EPB41L5: variants seen among roughly 807,000 people sequenced by gnomAD.
The protein encoded by EPB41L5 is band 4.1-like protein 5.
Under a neutral mutation model 106.6 loss-of-function variants are expected in EPB41L5, and 55 were observed. The ratio of observed to expected loss-of-function variants is 0.52; its 90% CI spans 0.42 to 0.65. The LOEUF is 0.65. EPB41L5 is among the 30% of genes least tolerant of loss of function. The probability of loss-of-function intolerance (pLI) is 0.00; values close to 1 mark genes in which losing one functional copy is unlikely to be tolerated. For synonymous variants in EPB41L5, 297 were observed against 306.7 expected, an observed-to-expected ratio of 0.97 and a Z score of 0.33; for missense variants, 871 against 882.1, an observed-to-expected ratio of 0.99 and a Z score of 0.16.
intron 3 of EPB41L5, among the ~76,000 whole-genome samples, chr2:120,070,953 C>T (rs932991968): frequency 6.6e-6 from 1 of 152,210 alleles, no homozygotes; most frequent in African/African-American, 2.4e-5. Flanking sequence ...TCTCTCACCA[C>T]TCCTATTCAG....
intron 15 of EPB41L5, 142 bp from the exon 16 acceptor site, chr2:120,100,557 A>G (rs989317253): frequency 2.9e-6 from 2 of 681,978 alleles, no homozygotes; most frequent in Non-Finnish European, 5.2e-6. Context: ...TTCATTAACT[A>G]TCTCTAAGGT....
intron 24 of EPB41L5, among the ~76,000 whole-genome samples, chr2:120,173,619 CTT>C (rs775330396): frequency 6.6e-6 from 1 of 152,184 alleles, no homozygotes; most frequent in Non-Finnish European, 1.5e-5. Flanking sequence ...ATTTATAAAT[CTT>C]GTTACCACTT....
chr2:120,147,461 C>T (rs1430419881), intron 20 of EPB41L5, among the ~76,000 whole-genome samples: 1 of 151,754 alleles, frequency 6.6e-6, no homozygotes, highest in Non-Finnish European at 1.5e-5. Flanking sequence ...CCCGTCTCTA[C>T]TAAAAATACG....
chr2:120,125,936 G>A (rs1311016088), intron 16 of EPB41L5, among the ~76,000 whole-genome samples: 1 of 152,082 alleles, frequency 6.6e-6, no homozygotes, highest in Non-Finnish European at 1.5e-5. Flanking sequence ...CCTAGCTTCT[G>A]GTGGTTTGCT....
At chr2:120,120,945 G>A (rs1332104537) in intron 16 of EPB41L5, among the ~76,000 whole-genome samples, 1 of 152,076 alleles carries the variant, frequency 6.6e-6, no homozygotes, top group African/African-American at 2.4e-5. Flanking sequence ...GCGAAACCCC[G>A]TCTCCACTAA....
chr2:120,140,589 G>A (rs1455354444), intron 18 of EPB41L5, among the ~76,000 whole-genome samples: 1 of 151,980 alleles, frequency 6.6e-6, no homozygotes, highest in Non-Finnish European at 1.5e-5. Flanking sequence ...AAATGATCCA[G>A]AATCTAATAC....
At chr2:120,054,311 CCTAGT>C (rs1306831847) in intron 3 of EPB41L5, among the ~76,000 whole-genome samples, 1 of 152,088 alleles carries the variant, frequency 6.6e-6, no homozygotes, top group Non-Finnish European at 1.5e-5. Flanking sequence ...GGTACTCAGC[CCTAGT>C]CAGATACATC....
intron 10 of EPB41L5, among the ~76,000 whole-genome samples, chr2:120,079,988 G>A (rs1682529196): frequency 6.6e-6 from 1 of 151,910 alleles, no homozygotes; most frequent in South Asian, 2.1e-4. Flanking sequence ...AAAGTAATTT[G>A]TTTGAATGCT....
At chr2:120,087,473 G>A (rs1391195279) in intron 11 of EPB41L5, among the ~76,000 whole-genome samples, 7 of 152,050 alleles carry the variant, frequency 4.6e-5, no homozygotes, top group African/African-American at 1.2e-4. Context: ...CTCATTGATC[G>A]TATATCTGAG....
chr2:120,155,322 T>A (rs966089270), intron 20 of EPB41L5, among the ~76,000 whole-genome samples: 2 of 152,222 alleles, frequency 1.3e-5, no homozygotes, highest in African/African-American at 2.4e-5. Context: ...TTTAAATATG[T>A]CATCCCATTG....
intron 22 of EPB41L5, 145 bp downstream of exon 22, chr2:120,165,055 CCT>C (rs1687331166): frequency 5.0e-6 from 3 of 595,822 alleles, no homozygotes; most frequent in East Asian, 3.1e-5. Context: ...CTTAGCATTG[CCT>C]CTCTGTCCTA....
At chr2:120,109,953 C>G (rs1163859088) in intron 16 of EPB41L5, among the ~76,000 whole-genome samples, 4 of 152,188 alleles carry the variant, frequency 2.6e-5, no homozygotes, top group African/African-American at 4.8e-5. Context: ...TAATTTATGA[C>G]AGTGATTTTC....
intron 3 of EPB41L5, among the ~76,000 whole-genome samples, chr2:120,061,214 G>T (rs1437838448): frequency 3.0e-4 from 40 of 134,528 alleles, no homozygotes; most frequent in Admixed American, 6.7e-4. Context: ...CTAATTTTTT[G>T]TATTTTTTTT....
intron 7 of EPB41L5, among the ~76,000 whole-genome samples, chr2:120,076,356 C>G (rs1430627847): frequency 6.6e-6 from 1 of 151,384 alleles, no homozygotes; most frequent in African/African-American, 2.4e-5. Flanking sequence ...TGTCCCCAGG[C>G]TAGAGGGCAG....
intron 10 of EPB41L5, among the ~76,000 whole-genome samples, chr2:120,086,287 T>A (rs911092513): frequency 6.6e-6 from 1 of 152,230 alleles, no homozygotes; most frequent in Admixed American, 6.5e-5. Flanking sequence ...ATATGTTATA[T>A]TTAAAGATTA....
chr2:120,158,206 C>A (rs6705210), intron 20 of EPB41L5, among the ~76,000 whole-genome samples: 2,145 of 152,210 alleles, frequency 0.014, 51 homozygotes, highest in African/African-American at 0.048. Context: ...GAAACTATTT[C>A]AAAAAATTGA....
chr2:120,086,500 C>T (rs1328846113), intron 10 of EPB41L5, among the ~76,000 whole-genome samples: 11 of 152,118 alleles, frequency 7.2e-5, no homozygotes, highest in Non-Finnish European at 1.5e-4. Flanking sequence ...CAGTGGCTCA[C>T]GTCTGAATTC....
intron 3 of EPB41L5, among the ~76,000 whole-genome samples, chr2:120,062,430 A>G (rs1558837828): frequency 6.6e-6 from 1 of 152,204 alleles, no homozygotes; most frequent in Non-Finnish European, 1.5e-5. Flanking sequence ...GGCTAATAAT[A>G]TTCTGAAGTT....
intron 21 of EPB41L5, among the ~76,000 whole-genome samples, chr2:120,162,312 A>G (rs748113261): frequency 2.0e-4 from 30 of 152,342 alleles, no homozygotes; most frequent in Admixed American, 6.5e-5. Context: ...GTTTATTGCC[A>G]ATGAATGTTT....
Sources: gnomAD v4.1 joint callset for allele counts (sites outside exome capture counted in the v4.1 genomes callset) on GRCh38, gnomAD v4.1.1 for gene constraint, MANE v1.5 for transcripts, NCBI Gene and HGNC (gene_info 2026-07-23, HGNC 2026-07-21) for gene names.